Variants in KSR1 observed in about 807,000 individuals in gnomAD.
KSR1 encodes kinase suppressor of ras 1.
In KSR1, 35 loss-of-function variants were observed where a neutral mutation model predicts 92.9. The observed-to-expected ratio is 0.38, with a 90% CI of 0.29 to 0.50. The LOEUF (loss-of-function observed/expected upper bound fraction) is 0.50. Ranked by LOEUF, KSR1 falls within the 20% of genes least tolerant of loss-of-function variation. The pLI is 0.94. For synonymous variants in KSR1, 467 were observed against 472.6 expected (o/e 0.99, Z 0.15); for missense variants, 972 against 1,158.5 (o/e 0.84, Z 2.34).
Position 27,577,738 on chromosome 17 carries a change from G to A in KSR1, c.520+99G>A, listed in dbSNP as rs1174854027. On this transcript the variant is annotated intron_variant, in intron 3 of 20. Coordinates refer to ENST00000644974, the MANE Select transcript of KSR1 (RefSeq NM_001394583.1). The surrounding 1 kb of genome is among the most constrained non-coding windows in gnomAD (Gnocchi z 4.5). ...GATGGAGCGGGGCAAGCGTGGCCCA[G>A]GGTTTCTGGGGCAGCCTGGAAAGGC... 9.8e-7 allele frequency: 1 copy of A among 1,018,448 alleles called. No homozygotes were observed. The highest frequency in any genetic ancestry group is 1.4e-5 in the South Asian group (1 of 73,010). The allele number at this position is 1,018,448 out of a possible 1,614,324, so 63.1% of individuals were successfully genotyped here.
intron 1 of KSR1, among the ~76,000 whole-genome samples, chr17:27,548,074 T>A (rs2071248073): frequency 6.6e-6 from 1 of 152,082 alleles, no homozygotes; most frequent in South Asian, 2.1e-4. Context: ...TCCTTTATAA[T>A]TCGAAGTGTG....
At chr17:27,615,023 G>C (rs184542696) in intron 18 of KSR1, among the ~76,000 whole-genome samples, 2 of 152,312 alleles carry the variant, frequency 1.3e-5, no homozygotes, top group Admixed American at 1.3e-4. Context: ...TTTATGTGCT[G>C]AGGCAGCCAG....
intron 1 of KSR1, among the ~76,000 whole-genome samples, chr17:27,474,769 T>TA (rs765089032): frequency 9.9e-5 from 15 of 152,158 alleles, no homozygotes; most frequent in Non-Finnish European, 2.9e-5. Context: ...TTGTGGAACT[T>TA]ACGCTTCAGT....
intron 1 of KSR1, among the ~76,000 whole-genome samples, chr17:27,515,077 C>G (rs908128071): frequency 6.6e-6 from 1 of 152,088 alleles, no homozygotes; most frequent in Admixed American, 6.5e-5. Flanking sequence ...GGAGGATGGA[C>G]ATGGGGAGGC....
intron 10 of KSR1, among the ~76,000 whole-genome samples, chr17:27,597,887 T>G (rs2073406073): frequency 6.6e-6 from 1 of 152,166 alleles, no homozygotes; most frequent in African/African-American, 2.4e-5. Context: ...CTGGGTAAGC[T>G]CCTTCAAGGA....
chr17:27,483,359 G>A (rs181236402), intron 1 of KSR1, among the ~76,000 whole-genome samples: 41 of 152,162 alleles, frequency 2.7e-4, no homozygotes, highest in Admixed American at 2.2e-3. Flanking sequence ...AGGCCAAGAC[G>A]GGTGGATCAC....
intron 16 of KSR1, 118 bp downstream of exon 16, chr17:27,609,447 C>T: frequency 7.2e-7 from 1 of 1,382,330 alleles, no homozygotes; most frequent in Non-Finnish European, 1.0e-6. Context: ...CAGGGAAGCC[C>T]AGGTCGCTTT....
At chr17:27,621,897 T>C in intron 20 of KSR1, 13 of 1,613,094 alleles carry the variant, frequency 8.1e-6, no homozygotes, top group Non-Finnish European at 1.1e-5. Flanking sequence ...ATTCTGATGC[T>C]GTTCTTTGCT....
chr17:27,577,713 G>A lies in KSR1; in HGVS notation c.520+74G>A, dbSNP rs1477929164. ...GGCTGTGGCCTTCACTATGGTGGGT[G>A]ATGGAGCGGGGCAAGCGTGGCCCAG... is the stretch of plus-strand genomic sequence containing the variant. On this transcript the variant is annotated intron_variant, in intron 3 of 20. Coordinates refer to ENST00000644974, the MANE Select transcript of KSR1 (RefSeq NM_001394583.1). The surrounding 1 kb of genome is among the most constrained non-coding windows in gnomAD (Gnocchi z 4.5). 3.1e-6 allele frequency: 4 copies of A among 1,276,970 alleles called. No individual in the cohort carries two copies. The African/African-American group carries it at 4.4e-5, about 14-fold the overall frequency. The allele number at this position is 1,276,970 out of a possible 1,614,324, so 79.1% of individuals were successfully genotyped here.
chr17:27,512,215 G>A lies in KSR1; in HGVS notation c.232-38353G>A, dbSNP rs73271940. On this transcript the variant is annotated intron_variant, in intron 1 of 20. Transcript: ENST00000644974. ...CATCACTAATCTGTGGAGAAAATGTGTATATCCCAAGCCATTTCCTCCTTC... is the reference window on the plus strand; with the variant it reads ...CATCACTAATCTGTGGAGAAAATGTATATATCCCAAGCCATTTCCTCCTTC... 6.3e-3 allele frequency among the ~76,000 whole-genome samples: 953 copies of A among 152,276 alleles called. 1 individual carries two copies. Among genetic ancestry groups the A allele is most frequent in the Middle Eastern group, 0.02 (6 of 294 alleles).
chr17:27,487,606 T>G (rs2150955291), intron 1 of KSR1, among the ~76,000 whole-genome samples: 2 of 150,996 alleles, frequency 1.3e-5, no homozygotes, highest in South Asian at 4.2e-4. Context: ...AAAAAAAGGT[T>G]TATTTGGCTC....
Position 27,525,188 on chromosome 17 carries a change from AG to A in KSR1, c.232-25379del, listed in dbSNP as rs2070210204. On this transcript the variant is annotated intron_variant, in intron 1 of 20. Coordinates refer to ENST00000644974, the MANE Select transcript of KSR1 (RefSeq NM_001394583.1). The stretch of plus-strand genomic sequence containing the variant: ...GCCAGGTGGCCTGGGTTCAGATTCC[AG>A]CTCCGCCTCTTACTTACTGTGTGAA... Among the ~76,000 whole-genome samples, 4 of 152,234 alleles carry A rather than the reference AG, an allele frequency of 2.6e-5. No homozygotes were observed. The South Asian group carries it at 8.3e-4, about 31-fold the overall frequency.
chr17:27,557,819 T>C (rs563816324), intron 2 of KSR1, among the ~76,000 whole-genome samples: 2 of 152,194 alleles, frequency 1.3e-5, no homozygotes, highest in Non-Finnish European at 2.9e-5. Context: ...CTCTCAGATG[T>C]GTCTGCCCTC....
chr17:27,583,950 T>C, intron 4 of KSR1: 1 of 983,942 alleles, frequency 1.0e-6, no homozygotes, highest in South Asian at 4.7e-5. Context: ...GCTAGCAGTT[T>C]TGTGTATGTC....
At position 27,582,959 on chromosome 17, in the gene KSR1, A is replaced by T. The variant is rs763406417; in HGVS notation, c.834A>T (p.Arg278=). 8.8e-7 allele frequency: 1 copy of T among 1,133,994 alleles called. No homozygotes were observed. The highest frequency in any genetic ancestry group is 4.3e-5 in the East Asian group (1 of 23,122). 70.2% of individuals were successfully genotyped at this position (1,133,994 alleles called of 1,614,324 possible). The part of the protein sequence containing the change: ...FITPPTTPQL[R]RHTKLKPPRT... ...CCCCGCCCACCACACCCCAGCTGCGACGGCACACCAAGCTGAAGCCACCAC... is the reference window on the plus strand; with the variant it reads ...CCCCGCCCACCACACCCCAGCTGCGTCGGCACACCAAGCTGAAGCCACCAC... Residue 278 remains arginine, a synonymous_variant, in exon 4 of 21, where the codon CGA becomes CGT. Coordinates refer to ENST00000644974, the MANE Select transcript of KSR1 (RefSeq NM_001394583.1).
chr17:27,605,963 CA>C (rs2073739141), intron 14 of KSR1, 150 bp downstream of exon 14: 2 of 899,626 alleles, frequency 2.2e-6, no homozygotes, highest in South Asian at 3.4e-5. Flanking sequence ...TTCCTAATCA[CA>C]TAACCGCATT....
intron 1 of KSR1, among the ~76,000 whole-genome samples, chr17:27,506,885 C>T (rs2069405782): frequency 1.3e-5 from 2 of 152,046 alleles, no homozygotes; most frequent in Admixed American, 1.3e-4. Flanking sequence ...GAAGTTGGTC[C>T]CTCTGGTAAT....
chr17:27,541,412 G>A (rs990282591), intron 1 of KSR1, among the ~76,000 whole-genome samples: 1 of 152,240 alleles, frequency 6.6e-6, no homozygotes, highest in African/African-American at 2.4e-5. Context: ...TTAGAGCCAG[G>A]GGTGGGGTAC....
intron 16 of KSR1, 196 bp from the exon 17 acceptor site, chr17:27,609,871 C>G (rs577377404): frequency 1.8e-6 from 1 of 565,490 alleles, no homozygotes. Flanking sequence ...TAGAAACAAC[C>G]GGTCATGACT....
Sources: allele counts gnomAD v4.1 joint callset (sites outside exome capture counted in the v4.1 genomes callset), GRCh38; gene constraint gnomAD v4.1.1; non-coding constraint Gnocchi (gnomAD v3.1); transcripts MANE v1.5; gene names NCBI Gene and HGNC (gene_info 2026-07-23, HGNC 2026-07-21).